Variants in XNDC1N observed in about 807,000 individuals in gnomAD.
XNDC1N encodes protein XNDC1N.
At chr11:71,895,877 C>T in the XNDC1N span, among the ~76,000 whole-genome samples, 1 of 152,188 alleles carries the variant, frequency 6.6e-6, no homozygotes, top group Admixed American at 6.5e-5. Flanking sequence ...AGAAACTCCT[C>T]TCCACTGCAG....
At chr11:71,918,990 C>T in the XNDC1N span, 6 of 702,856 alleles carry the variant, frequency 8.5e-6, no homozygotes, top group South Asian at 1.5e-5. Context: ...CTTGGACTAT[C>T]TGGGTTTAGC....
At chr11:71,913,679 A>G in the XNDC1N span, among the ~76,000 whole-genome samples, 2 of 151,456 alleles carry the variant, frequency 1.3e-5, no homozygotes, top group African/African-American at 4.8e-5. Flanking sequence ...AAAAAAAAAA[A>G]AAAAAAAAAG....
chr11:71,903,350 C>T, the XNDC1N span: 1 of 1,453,884 alleles, frequency 6.9e-7, no homozygotes. Context: ...CCCTGACTCC[C>T]ACCTCCACAC....
chr11:71,916,110 C>A, the XNDC1N span: 11 of 702,852 alleles, frequency 1.6e-5, no homozygotes, highest in Non-Finnish European at 2.9e-5. Flanking sequence ...CTGAGGGACC[C>A]ACCACAGAGT....
the XNDC1N span, among the ~76,000 whole-genome samples, chr11:71,899,885 C>T: frequency 6.6e-6 from 1 of 152,100 alleles, no homozygotes; most frequent in African/African-American, 2.4e-5. Context: ...CTCCTGCCTG[C>T]CCCTGGGAAA....
At chr11:71,924,689 A>G in the XNDC1N span, among the ~76,000 whole-genome samples, 1 of 152,160 alleles carries the variant, frequency 6.6e-6, no homozygotes, top group African/African-American at 2.4e-5. Flanking sequence ...GTCTCAGAAA[A>G]AAAACAAAAA....
chr11:71,885,322 A>G, the XNDC1N span, among the ~76,000 whole-genome samples: 1 of 152,116 alleles, frequency 6.6e-6, no homozygotes, highest in Non-Finnish European at 1.5e-5. Flanking sequence ...GGATCATGGG[A>G]ACAATATCCT....
At chr11:71,912,317 G>A in the XNDC1N span, among the ~76,000 whole-genome samples, 1 of 152,146 alleles carries the variant, frequency 6.6e-6, no homozygotes, top group Non-Finnish European at 1.5e-5. Flanking sequence ...CTCTGGGTGG[G>A]TGGAGATCTG....
At chr11:71,923,934 T>A in the XNDC1N span, among the ~76,000 whole-genome samples, 1 of 151,990 alleles carries the variant, frequency 6.6e-6, no homozygotes, top group Non-Finnish European at 1.5e-5. Context: ...CTGATGAGGC[T>A]CCAACTCGAA....
the XNDC1N span, among the ~76,000 whole-genome samples, chr11:71,876,365 T>G: frequency 6.6e-6 from 1 of 152,212 alleles, no homozygotes; most frequent in African/African-American, 2.4e-5. Flanking sequence ...ACTTTATCTT[T>G]CTTTGCTGAA....
chr11:71,887,973 C>T, the XNDC1N span, among the ~76,000 whole-genome samples: 1 of 152,162 alleles, frequency 6.6e-6, no homozygotes, highest in African/African-American at 2.4e-5. Context: ...TACACTTGGA[C>T]CGGGCTTCCC....
At chr11:71,893,923 A>G in the XNDC1N span, 1 of 1,050,456 alleles carries the variant, frequency 9.5e-7, no homozygotes, top group Non-Finnish European at 1.3e-6. Context: ...CTTTTTCCTT[A>G]GCCTGTTGGA....
the XNDC1N span, chr11:71,878,310 T>A: frequency 2.4e-6 from 2 of 826,252 alleles, no homozygotes; most frequent in Non-Finnish European, 3.8e-6. Flanking sequence ...TGATATAAAA[T>A]CTCATTGAAA....
At chr11:71,876,328 C>T in the XNDC1N span, among the ~76,000 whole-genome samples, 1 of 152,108 alleles carries the variant, frequency 6.6e-6, no homozygotes, top group Non-Finnish European at 1.5e-5. Flanking sequence ...TCTTGGTGTT[C>T]TTTTAAGAAA....
At chr11:71,897,834 T>TGAAAAA in the XNDC1N span, among the ~76,000 whole-genome samples, 1 of 152,224 alleles carries the variant, frequency 6.6e-6, no homozygotes, top group African/African-American at 2.4e-5. Flanking sequence ...GACAGATGAA[T>TGAAAAA]GAAAAAGCAC....
chr11:71,904,794 A>C, the XNDC1N span, among the ~76,000 whole-genome samples: 7 of 152,174 alleles, frequency 4.6e-5, no homozygotes, highest in Admixed American at 1.3e-4. Context: ...GCAGGTGTAC[A>C]TATATGGTGT....
chr11:71,886,265 C>A, the XNDC1N span, among the ~76,000 whole-genome samples: 1 of 152,134 alleles, frequency 6.6e-6, no homozygotes. Context: ...ACCCACAACC[C>A]CACCTGGGCT....
At chr11:71,906,105 CAAT>C in the XNDC1N span, among the ~76,000 whole-genome samples, 3 of 151,736 alleles carry the variant, frequency 2.0e-5, no homozygotes, top group East Asian at 5.8e-4. Context: ...AGCATATTTT[CAAT>C]AATATCACAG....
At chr11:71,892,229 T>G in the XNDC1N span, among the ~76,000 whole-genome samples, 2 of 151,988 alleles carry the variant, frequency 1.3e-5, no homozygotes, top group East Asian at 1.9e-4. Flanking sequence ...GTATTAGGAG[T>G]AATATCTACC....
Sources: gnomAD v4.1 joint callset for allele counts (sites outside exome capture counted in the v4.1 genomes callset) on GRCh38, gnomAD v4.1.1 for gene constraint, MANE v1.5 for transcripts, NCBI Gene and HGNC (gene_info 2026-07-23, HGNC 2026-07-21) for gene names.